Variants in CDH12 observed in about 807,000 individuals in gnomAD.
CDH12 encodes the protein cadherin 12, also known as cadherin-12.
CDH12 carries 41 observed loss-of-function variants against 74.1 expected under a neutral mutation model. That is an observed-to-expected ratio of 0.55 (90% CI 0.43 to 0.72). The LOEUF is 0.72. CDH12 is among the 30% of genes least tolerant of loss of function. The pLI, the probability that CDH12 is intolerant of heterozygous loss-of-function variation, is 0.00. For synonymous variants in CDH12, 399 were observed against 355.0 expected, an observed-to-expected ratio of 1.12 and a Z score of -1.39; for missense variants, 945 against 977.2, an observed-to-expected ratio of 0.97 and a Z score of 0.44.
At chr5:22,062,385 T>C (rs1412521456) in intron 5 of CDH12, among the ~76,000 whole-genome samples, 4 of 152,152 alleles carry the variant, frequency 2.6e-5, no homozygotes, top group Non-Finnish European at 5.9e-5. Context: ...CTTAAATGTA[T>C]TGCTGTCTAA....
At chr5:22,293,002 C>T (rs201372368) in intron 3 of CDH12, among the ~76,000 whole-genome samples, 1 of 51,406 alleles carries the variant, frequency 1.9e-5, no homozygotes, top group Non-Finnish European at 5.8e-5. Context: ...AACCCACATC[C>T]ATTCCCAATC....
intron 2 of CDH12, among the ~76,000 whole-genome samples, chr5:22,414,109 C>T (rs896380136): frequency 3.3e-5 from 5 of 151,748 alleles, no homozygotes; most frequent in African/African-American, 1.2e-4. Flanking sequence ...ATGTTTTGTT[C>T]CAAACTGAAA....
At chr5:22,415,481 G>C (rs1057239875) in intron 2 of CDH12, among the ~76,000 whole-genome samples, 1 of 152,196 alleles carries the variant, frequency 6.6e-6, no homozygotes, top group Non-Finnish European at 1.5e-5. Context: ...GAAAATGACA[G>C]TAACAAAGGC....
At chr5:21,831,067 C>CAA (rs11431054) in intron 8 of CDH12, among the ~76,000 whole-genome samples, 11,171 of 149,820 alleles carry the variant, frequency 0.075, 603 homozygotes, top group East Asian at 0.27. Flanking sequence ...CAAAAACAAA[C>CAA]AAAAAAAAAC....
chr5:22,544,770 T>C (rs1208122330), intron 1 of CDH12, among the ~76,000 whole-genome samples: 2 of 151,898 alleles, frequency 1.3e-5, no homozygotes, highest in East Asian at 1.9e-4. Flanking sequence ...TGAATTGATA[T>C]TGCACCACTG....
chr5:22,220,565 T>A (rs1296191367), intron 3 of CDH12, among the ~76,000 whole-genome samples: 1 of 150,156 alleles, frequency 6.7e-6, no homozygotes, highest in Non-Finnish European at 1.5e-5. Context: ...AGTGGTCATT[T>A]CTTCCTTGTT....
intron 1 of CDH12, among the ~76,000 whole-genome samples, chr5:22,635,743 G>A (rs1008666996): frequency 2.0e-5 from 3 of 151,910 alleles, no homozygotes; most frequent in Admixed American, 6.6e-5. Flanking sequence ...GTGAAACCTC[G>A]TCTCTACTGA....
rs752932213 is a variant in CDH12, at chr5:21,946,289, AAAG to A, written c.526+28799_526+28801del. Among the ~76,000 whole-genome samples, 682 of 152,274 alleles carry A rather than the reference AAAG, an allele frequency of 4.5e-3. 4 individuals carry two copies. The highest frequency in any genetic ancestry group is 4.9e-3 in the Non-Finnish European group (331 of 68,016). On this transcript the variant is annotated intron_variant, in intron 6 of 14. Coordinates refer to ENST00000382254, the MANE Select transcript of CDH12 (RefSeq NM_004061.5). ...TTCTCTAAACAGAAAAGAAATGATAAAAGAAGAAGGTTTTCAGCTTTTACAAAC... is the reference window on the plus strand; with the variant it reads ...TTCTCTAAACAGAAAAGAAATGATAAAAGAAGGTTTTCAGCTTTTACAAAC...
At chr5:22,487,390 A>G (rs987840535) in intron 2 of CDH12, among the ~76,000 whole-genome samples, 2 of 152,224 alleles carry the variant, frequency 1.3e-5, no homozygotes, top group African/African-American at 4.8e-5. Flanking sequence ...AAACAGGGAT[A>G]AAATGTATAT....
intron 1 of CDH12, among the ~76,000 whole-genome samples, chr5:22,753,252 G>T (rs1299218088): frequency 6.6e-6 from 1 of 151,660 alleles, no homozygotes; most frequent in African/African-American, 2.4e-5. Flanking sequence ...AAGATGAGGT[G>T]GTGATGAACC....
chr5:21,767,753 T>C (rs1009644862), intron 11 of CDH12, among the ~76,000 whole-genome samples: 1 of 151,550 alleles, frequency 6.6e-6, no homozygotes, highest in African/African-American at 2.4e-5. Context: ...CTATCATGTA[T>C]TTTCAAAACT....
intron 8 of CDH12, among the ~76,000 whole-genome samples, chr5:21,830,953 G>T (rs1012013226): frequency 6.6e-6 from 1 of 151,870 alleles, no homozygotes; most frequent in Non-Finnish European, 1.5e-5. Context: ...GCAGAGAATT[G>T]CTTGAACCTG....
chr5:22,462,141 A>G (rs2126587501), intron 2 of CDH12, among the ~76,000 whole-genome samples: 1 of 152,320 alleles, frequency 6.6e-6, no homozygotes, highest in African/African-American at 2.4e-5. Context: ...AGAATTTCTT[A>G]GAGATCTTAC....
At chr5:22,062,563 G>T (rs1741264109) in intron 5 of CDH12, among the ~76,000 whole-genome samples, 1 of 152,104 alleles carries the variant, frequency 6.6e-6, no homozygotes, top group Non-Finnish European at 1.5e-5. Flanking sequence ...AGAAAAAGCA[G>T]AGAGCTAAAG....
At chr5:21,999,408 C>T (rs1167743111) in intron 5 of CDH12, among the ~76,000 whole-genome samples, 2 of 152,106 alleles carry the variant, frequency 1.3e-5, no homozygotes, top group African/African-American at 2.4e-5. Flanking sequence ...TTTTCCAACT[C>T]GGCACACAAA....
At chr5:22,457,986 A>C (rs1006422720) in intron 2 of CDH12, among the ~76,000 whole-genome samples, 6 of 150,928 alleles carry the variant, frequency 4.0e-5, no homozygotes, top group African/African-American at 1.5e-4. Flanking sequence ...CTCATGATCC[A>C]CCCGCCTCGG....
At chr5:22,728,921 ACAAAAG>A in intron 1 of CDH12, among the ~76,000 whole-genome samples, 1 of 151,798 alleles carries the variant, frequency 6.6e-6, no homozygotes, top group Non-Finnish European at 1.5e-5. Context: ...TTCTGAGGGG[ACAAAAG>A]CATGCAATCC....
At chr5:22,283,498 A>G (rs1737008919) in intron 3 of CDH12, among the ~76,000 whole-genome samples, 1 of 151,888 alleles carries the variant, frequency 6.6e-6, no homozygotes, top group Non-Finnish European at 1.5e-5. Context: ...AGGCATTTTG[A>G]TAACTGACAT....
chr5:22,530,769 A>AC (rs1737549823), intron 1 of CDH12, among the ~76,000 whole-genome samples: 1 of 152,108 alleles, frequency 6.6e-6, no homozygotes, highest in African/African-American at 2.4e-5. Context: ...CAAACTTTTA[A>AC]ATCATTTTCT....
Sources: gnomAD v4.1 joint callset for allele counts (sites outside exome capture counted in the v4.1 genomes callset) on GRCh38, gnomAD v4.1.1 for gene constraint, MANE v1.5 for transcripts, NCBI Gene and HGNC (gene_info 2026-07-23, HGNC 2026-07-21) for gene names.